Variants in RBM39 observed in about 807,000 individuals in gnomAD.
RBM39 encodes RNA binding motif protein 39, also known as RNA-binding protein 39.
In RBM39, 12 loss-of-function variants were observed where a neutral mutation model predicts 79.6. The observed-to-expected ratio is 0.15, with a 90% CI of 0.10 to 0.24. The LOEUF (loss-of-function observed/expected upper bound fraction) is 0.24, where lower values mean the gene tolerates loss of function less well. Among genes scored for constraint, RBM39 ranks in the 10% least tolerant of loss-of-function variants. RBM39 has a pLI of 1.00. For missense variants in RBM39, 243 were observed against 653.4 expected (o/e 0.37, Z 6.85); for synonymous variants, 185 against 208.4 (o/e 0.89, Z 0.97).
chr20:35,724,512 G>C (rs965445688), intron 8 of RBM39, 58 bp downstream of exon 8: 94 of 1,557,622 alleles, frequency 6.0e-5, no homozygotes, highest in Admixed American at 6.9e-5. Context: ...ACTATACCAT[G>C]CAACAGGAGG....
At chr20:35,721,043 A>G (rs1008920368) in intron 9 of RBM39, among the ~76,000 whole-genome samples, 1 of 152,038 alleles carries the variant, frequency 6.6e-6, no homozygotes, top group Non-Finnish European at 1.5e-5. Context: ...TTCAAGGGAG[A>G]AATTCTGCTG....
chr20:35,728,773 T>C lies in RBM39; in HGVS notation c.416+539A>G, dbSNP rs573690485. On this transcript the variant is annotated intron_variant, in intron 6 of 16. Coordinates refer to ENST00000253363, the MANE Select transcript of RBM39 (RefSeq NM_184234.3). ...GCCTGGGTGACAGAGCGAGACTCCA[T>C]CTCATAAATAAATAACTTTTGTGGC... Among the ~76,000 whole-genome samples, 300 of 151,844 alleles carry C rather than the reference T, an allele frequency of 2.0e-3. 1 individual carries two copies. The highest frequency in any genetic ancestry group is 6.9e-3 in the African/African-American group (284 of 41,384).
intron 10 of RBM39, among the ~76,000 whole-genome samples, chr20:35,715,912 C>A (rs560707204): frequency 1.3e-5 from 2 of 152,258 alleles, no homozygotes; most frequent in Non-Finnish European, 2.9e-5. Context: ...GACACACCTG[C>A]TCCTCCAAGC....
At chr20:35,737,368 C>CA (rs1249663572) in intron 3 of RBM39, among the ~76,000 whole-genome samples, 1 of 125,574 alleles carries the variant, frequency 8.0e-6, no homozygotes, top group African/African-American at 3.1e-5. Flanking sequence ...CCAGCCTGGG[C>CA]AACAGACTGA....
At chr20:35,707,378 G>GAAAACTGAGGTA in intron 13 of RBM39, 177 bp from the exon 14 acceptor site, 2 of 403,406 alleles carry the variant, frequency 5.0e-6, no homozygotes, top group South Asian at 9.0e-5. Context: ...TTAGGTGCCA[G>GAAAACTGAGGTA]AAAACTGAGG....
chr20:35,721,616 A>G, intron 9 of RBM39, 124 bp downstream of exon 9: 1 of 1,142,016 alleles, frequency 8.8e-7, no homozygotes, highest in Non-Finnish European at 1.2e-6. Flanking sequence ...AAATTTTTAT[A>G]AAACCAGCCC....
At chr20:35,713,904 A>G (rs1329834265) in intron 11 of RBM39, 1 of 301,678 alleles carries the variant, frequency 3.3e-6, no homozygotes. Context: ...TTGTAACATT[A>G]TAATAGCTGC....
chr20:35,707,676 T>C (rs1423342274), intron 13 of RBM39: 1 of 201,910 alleles, frequency 5.0e-6, no homozygotes, highest in Non-Finnish European at 1.0e-5. Flanking sequence ...ACATATAAAA[T>C]CATCCAAGTG....
At chr20:35,736,125 T>C (rs1054480017) in intron 3 of RBM39, among the ~76,000 whole-genome samples, 2 of 152,104 alleles carry the variant, frequency 1.3e-5, no homozygotes, top group Non-Finnish European at 2.9e-5. Context: ...CTAAATTGGA[T>C]AATTTATGTC....
At chr20:35,712,459 A>AG (rs1275324399) in intron 12 of RBM39, among the ~76,000 whole-genome samples, 488 of 22,712 alleles carry the variant, frequency 0.021, 5 homozygotes, top group African/African-American at 0.053. Flanking sequence ...AAAAAAAAAA[A>AG]GGGGGCGGGG....
At chr20:35,704,800 C>T in intron 15 of RBM39, 54 bp from the exon 16 acceptor site, 2 of 1,501,476 alleles carry the variant, frequency 1.3e-6, no homozygotes, top group Non-Finnish European at 1.8e-6. Flanking sequence ...AAAATGGACC[C>T]AAGTTATGTT....
At chr20:35,707,361 G>C (rs1600380098) in intron 13 of RBM39, 160 bp from the exon 14 acceptor site, 1 of 424,372 alleles carries the variant, frequency 2.4e-6, no homozygotes. Flanking sequence ...TATGTTATCA[G>C]TAGCTTTTAG....
At chr20:35,725,231 A>C in intron 6 of RBM39, 76 bp from the exon 7 acceptor site, 1 of 1,029,232 alleles carries the variant, frequency 9.7e-7, no homozygotes, top group Non-Finnish European at 1.4e-6. Flanking sequence ...ATTTCTTCAT[A>C]TAGTTCAACA....
At chr20:35,722,550 C>A in intron 8 of RBM39, among the ~76,000 whole-genome samples, 1 of 145,014 alleles carries the variant, frequency 6.9e-6, no homozygotes, top group Non-Finnish European at 1.5e-5. Flanking sequence ...TCCTTCTCAT[C>A]CACTAGAGAC....
At chr20:35,718,969 C>CA (rs946379147) in intron 9 of RBM39, among the ~76,000 whole-genome samples, 4 of 151,416 alleles carry the variant, frequency 2.6e-5, no homozygotes, top group East Asian at 1.9e-4. Context: ...ACTCAGACTC[C>CA]AAAAAAAATA....
chr20:35,716,364 G>C (rs536017209), intron 10 of RBM39, among the ~76,000 whole-genome samples: 1 of 152,074 alleles, frequency 6.6e-6, no homozygotes, highest in Admixed American at 6.6e-5. Context: ...ATAAGCCACC[G>C]CGCCCGGCCA....
intron 6 of RBM39, among the ~76,000 whole-genome samples, chr20:35,725,768 A>G (rs1243068973): frequency 6.6e-6 from 1 of 151,236 alleles, no homozygotes; most frequent in Non-Finnish European, 1.5e-5. Context: ...AGTTCAAGCA[A>G]TTCTGCTGCC....
intron 2 of RBM39, chr20:35,739,397 G>A (rs887732431): frequency 1.7e-5 from 8 of 472,154 alleles, no homozygotes; most frequent in African/African-American, 8.0e-5. Context: ...CAGTACCATG[G>A]CTCTATTTCT....
intron 13 of RBM39, 53 bp downstream of exon 13, chr20:35,709,166 TACTAC>T: frequency 6.9e-7 from 1 of 1,442,160 alleles, no homozygotes; most frequent in Non-Finnish European, 9.5e-7. Flanking sequence ...AAAACTGTCT[TACTAC>T]ATTTAATTCT....
Sources: allele counts gnomAD v4.1 joint callset (sites outside exome capture counted in the v4.1 genomes callset), GRCh38; gene constraint gnomAD v4.1.1; transcripts MANE v1.5; gene names NCBI Gene and HGNC (gene_info 2026-07-23, HGNC 2026-07-21).